The following ULK4 variants were observed in gnomAD, a reference collection of about 807,000 sequenced individuals.
The protein encoded by ULK4 is inactive serine/threonine-protein kinase ULK4.
Under a neutral mutation model 160.6 loss-of-function variants are expected in ULK4, and 133 were observed. The observed-to-expected ratio is 0.83, with a 90% CI of 0.72 to 0.96. The LOEUF (loss-of-function observed/expected upper bound fraction) is 0.96, where lower values mean the gene tolerates loss of function less well. ULK4 is among the 40% of genes least tolerant of loss of function. The pLI is 0.00. For synonymous variants in ULK4, 534 were observed against 539.8 expected (o/e 0.99, Z 0.15); for missense variants, 1,580 against 1,499.5 (o/e 1.05, Z -0.89).
Position 41,484,458 on chromosome 3 carries a change from C to CTTTTTTTTTTTTTTT in ULK4, c.3227-21206_3227-21205insAAAAAAAAAAAAAAA, listed in dbSNP as rs369059587. Among the ~76,000 whole-genome samples, 667 of 134,538 alleles carry CTTTTTTTTTTTTTTT rather than the reference C, an allele frequency of 5.0e-3. 38 individuals are homozygous for CTTTTTTTTTTTTTTT. Among genetic ancestry groups the CTTTTTTTTTTTTTTT allele is most frequent in the African/African-American group, 6.7e-3 (237 of 35,416 alleles). 88.3% of individuals were successfully genotyped at this position (134,538 alleles called of 152,430 possible). A position where few individuals can be genotyped will look rare whatever the true frequency, so the allele number is the denominator to read the frequency against. On this transcript the variant is annotated intron_variant, in intron 32 of 36. Coordinates refer to ENST00000301831, the MANE Select transcript of ULK4 (RefSeq NM_017886.4). Reference sequence around the variant, plus strand: ...GAGTGACTTTTTTTTCTTTCTTTTCCTTTTTTTGTTTTGAGATGGAGTCTC... The same window carrying CTTTTTTTTTTTTTTT: ...GAGTGACTTTTTTTTCTTTCTTTTCCTTTTTTTTTTTTTTTTTTTTTTGTTTTGAGATGGAGTCTC...
intron 22 of ULK4, among the ~76,000 whole-genome samples, chr3:41,747,584 C>T (rs903642968): frequency 3.3e-5 from 5 of 152,022 alleles, no homozygotes; most frequent in African/African-American, 1.2e-4. Flanking sequence ...AAGCCCTAAC[C>T]CTCAATGTGA....
At chr3:41,634,598 T>C (rs1324174561) in intron 30 of ULK4, among the ~76,000 whole-genome samples, 1 of 152,158 alleles carries the variant, frequency 6.6e-6, no homozygotes, top group Non-Finnish European at 1.5e-5. Context: ...ATGGTCCCTT[T>C]AGAGGAAGCA....
In ULK4 at chr3:41,282,250, C is replaced by G. The variant is rs571160404; in HGVS notation, c.3679-32676G>C. ...CCCAAGGTAATTTATAGACTTAATG[C>G]CATCCCCATCAAGCTACCAGACTTT... is the stretch of plus-strand genomic sequence containing the variant. On this transcript the variant is annotated intron_variant, in intron 35 of 36. Coordinates refer to ENST00000301831, the MANE Select transcript of ULK4 (RefSeq NM_017886.4). Among the ~76,000 whole-genome samples the G allele has an allele frequency of 6.6e-5, 10 of 152,252 alleles. No homozygotes were observed. The South Asian group carries it at 2.1e-3, about 32-fold the overall frequency.
chr3:41,738,449 T>C (rs180769218), intron 22 of ULK4, among the ~76,000 whole-genome samples: 20 of 152,046 alleles, frequency 1.3e-4, no homozygotes, highest in African/African-American at 3.9e-4. Flanking sequence ...TCTGCTACCA[T>C]TGGCCCTAAA....
chr3:41,628,762 A>G (rs1177263870), intron 30 of ULK4, among the ~76,000 whole-genome samples: 1 of 152,210 alleles, frequency 6.6e-6, no homozygotes, highest in African/African-American at 2.4e-5. Flanking sequence ...TTGATAACTG[A>G]TAACCGTTCT....
chr3:41,538,135 C>A (rs2086572703), intron 32 of ULK4, among the ~76,000 whole-genome samples: 1 of 152,070 alleles, frequency 6.6e-6, no homozygotes, highest in African/African-American at 2.4e-5. Context: ...GCAGTAAATT[C>A]TCCAGCTTTA....
At chr3:41,893,905 A>C (rs1329472135) in intron 16 of ULK4, among the ~76,000 whole-genome samples, 1 of 152,206 alleles carries the variant, frequency 6.6e-6, no homozygotes, top group Non-Finnish European at 1.5e-5. Flanking sequence ...TATGCTGTCA[A>C]GGTAATATAA....
intron 3 of ULK4, among the ~76,000 whole-genome samples, chr3:41,936,848 T>C (rs1699791897): frequency 6.6e-6 from 1 of 152,144 alleles, no homozygotes; most frequent in South Asian, 2.1e-4. Context: ...AAACTAGTAT[T>C]TGATAGTACA....
intron 35 of ULK4, among the ~76,000 whole-genome samples, 160 bp from the exon 36 acceptor site, chr3:41,249,734 C>A (rs1000089182): frequency 6.6e-6 from 1 of 152,130 alleles, no homozygotes; most frequent in African/African-American, 2.4e-5. Context: ...TGCGTAACCT[C>A]CCCCACAGAG....
chr3:41,298,008 C>T (rs999897055), intron 35 of ULK4, among the ~76,000 whole-genome samples: 4 of 152,186 alleles, frequency 2.6e-5, no homozygotes, highest in South Asian at 4.1e-4. Context: ...TTTGCCTCAT[C>T]GGTTTACAGT....
intron 30 of ULK4, among the ~76,000 whole-genome samples, chr3:41,659,150 T>C (rs1347504247): frequency 6.6e-6 from 1 of 152,202 alleles, no homozygotes; most frequent in Non-Finnish European, 1.5e-5. Flanking sequence ...TCTTGAACAA[T>C]GCTGATAGAA....
chr3:41,953,991 G>A (rs1360754163), intron 2 of ULK4, among the ~76,000 whole-genome samples: 1 of 151,990 alleles, frequency 6.6e-6, no homozygotes, highest in African/African-American at 2.4e-5. Flanking sequence ...AGACCATCCT[G>A]GCTAACACAG....
chr3:41,465,083 A>T (rs1252653495), intron 32 of ULK4, among the ~76,000 whole-genome samples: 2 of 152,202 alleles, frequency 1.3e-5, no homozygotes, highest in Non-Finnish European at 2.9e-5. Flanking sequence ...AGTATGAGAT[A>T]AAAATATTTC....
intron 16 of ULK4, among the ~76,000 whole-genome samples, chr3:41,889,728 TG>T (rs1697849662): frequency 6.6e-6 from 1 of 152,220 alleles, no homozygotes; most frequent in African/African-American, 2.4e-5. Flanking sequence ...TTCAAAAGGT[TG>T]AACACAGAGT....
chr3:41,957,861 T>A (rs560197730), intron 1 of ULK4, among the ~76,000 whole-genome samples: 1 of 151,960 alleles, frequency 6.6e-6, no homozygotes, highest in South Asian at 2.1e-4. Flanking sequence ...TGGCAACACA[T>A]CATCTCTACA....
At chr3:41,450,975 G>A (rs745343667) in intron 34 of ULK4, among the ~76,000 whole-genome samples, 2 of 152,076 alleles carry the variant, frequency 1.3e-5, no homozygotes, top group African/African-American at 2.4e-5. Flanking sequence ...TAACTGGAGC[G>A]CAGTGTCACA....
intron 31 of ULK4, among the ~76,000 whole-genome samples, chr3:41,589,696 A>G (rs1174354798): frequency 6.6e-6 from 1 of 152,178 alleles, no homozygotes; most frequent in Non-Finnish European, 1.5e-5. Context: ...AGTTAAAATA[A>G]TCTAAAAGTA....
At chr3:41,945,798 C>A (rs1700094790) in intron 2 of ULK4, among the ~76,000 whole-genome samples, 1 of 152,200 alleles carries the variant, frequency 6.6e-6, no homozygotes, top group Non-Finnish European at 1.5e-5. Context: ...CCATTCTTTT[C>A]CTAGTCTTTT....
intron 2 of ULK4, among the ~76,000 whole-genome samples, chr3:41,949,689 CCACT>C (rs201708846): frequency 0.052 from 7,935 of 151,748 alleles, 285 homozygotes; most frequent in Non-Finnish European, 0.079. Flanking sequence ...CCCTCCTCGG[CCACT>C]CAAAGTGCTG....
Sources: allele counts gnomAD v4.1 joint callset (sites outside exome capture counted in the v4.1 genomes callset), GRCh38; gene constraint gnomAD v4.1.1; transcripts MANE v1.5; gene names NCBI Gene and HGNC (gene_info 2026-07-23, HGNC 2026-07-21).